The following ARB2A variants were observed in gnomAD, a reference collection of about 807,000 sequenced individuals.
ARB2A encodes ARB2 cotranscriptional regulator A.
chr5:93,891,160 T>G, the ARB2A span, among the ~76,000 whole-genome samples: 2 of 152,112 alleles, frequency 1.3e-5, no homozygotes, highest in Non-Finnish European at 2.9e-5. Flanking sequence ...CACATAGTCC[T>G]TTTTGCCCAC....
the ARB2A span, among the ~76,000 whole-genome samples, chr5:93,703,551 T>C: frequency 1.1e-4 from 16 of 152,324 alleles, no homozygotes; most frequent in African/African-American, 3.8e-4. Flanking sequence ...AAAAAGTGTT[T>C]AGATATTTAT....
At chr5:93,814,890 T>G in the ARB2A span, among the ~76,000 whole-genome samples, 1 of 152,118 alleles carries the variant, frequency 6.6e-6, no homozygotes, top group Non-Finnish European at 1.5e-5. Flanking sequence ...CAGGCTGGAG[T>G]GTGGTGGTGT....
chr5:93,704,144 A>G, the ARB2A span, among the ~76,000 whole-genome samples: 1 of 152,222 alleles, frequency 6.6e-6, no homozygotes, highest in Non-Finnish European at 1.5e-5. Context: ...TCAACAAAAT[A>G]TTAAAGATAA....
the ARB2A span, among the ~76,000 whole-genome samples, chr5:93,837,877 G>T: frequency 3.3e-5 from 5 of 152,056 alleles, no homozygotes; most frequent in African/African-American, 1.2e-4. Context: ...TTATAAATTT[G>T]TTTAAGTTCC....
At chr5:94,086,635 C>T in the ARB2A span, among the ~76,000 whole-genome samples, 1 of 152,212 alleles carries the variant, frequency 6.6e-6, no homozygotes, top group Admixed American at 6.5e-5. Flanking sequence ...TCACTGCAAC[C>T]TCTGCCTCCT....
At chr5:94,104,945 TA>T in the ARB2A span, among the ~76,000 whole-genome samples, 1 of 151,518 alleles carries the variant, frequency 6.6e-6, no homozygotes, top group Admixed American at 6.6e-5. Context: ...TGATAAAATT[TA>T]ACATGTGTTA....
At chr5:93,894,784 C>T in the ARB2A span, among the ~76,000 whole-genome samples, 3 of 152,086 alleles carry the variant, frequency 2.0e-5, 1 homozygote, top group Non-Finnish European at 4.4e-5. Flanking sequence ...AGCAAATGGC[C>T]GTAAATGCAC....
the ARB2A span, among the ~76,000 whole-genome samples, chr5:93,768,194 G>T: frequency 2.6e-5 from 4 of 151,462 alleles, no homozygotes; most frequent in Non-Finnish European, 5.9e-5. Context: ...TGGGGACTTG[G>T]GGGGGAAGAG....
the ARB2A span, among the ~76,000 whole-genome samples, chr5:93,843,068 A>T: frequency 6.6e-6 from 1 of 152,220 alleles, no homozygotes; most frequent in Admixed American, 6.5e-5. Context: ...AAATGAAATC[A>T]GGCTAAATAA....
At chr5:93,726,327 C>T in the ARB2A span, among the ~76,000 whole-genome samples, 59 of 152,032 alleles carry the variant, frequency 3.9e-4, no homozygotes, top group East Asian at 8.9e-3. Flanking sequence ...CATGCCCTAC[C>T]CCCAACCCCC....
the ARB2A span, among the ~76,000 whole-genome samples, chr5:94,018,985 C>A: frequency 6.6e-6 from 1 of 152,052 alleles, no homozygotes; most frequent in Non-Finnish European, 1.5e-5. Flanking sequence ...TGGAACAGAA[C>A]AGAGATCTCA....
the ARB2A span, among the ~76,000 whole-genome samples, chr5:93,689,675 C>T: frequency 6.6e-6 from 1 of 152,046 alleles, no homozygotes; most frequent in African/African-American, 2.4e-5. Context: ...AAAAGTTTCA[C>T]CCTAGAAAAC....
chr5:93,923,676 G>A, the ARB2A span, among the ~76,000 whole-genome samples: 1 of 152,264 alleles, frequency 6.6e-6, no homozygotes, highest in East Asian at 1.9e-4. Flanking sequence ...CAGGCGTGGT[G>A]TTGGATACAA....
chr5:93,722,413 A>G, the ARB2A span, among the ~76,000 whole-genome samples: 1 of 152,140 alleles, frequency 6.6e-6, no homozygotes, highest in Non-Finnish European at 1.5e-5. Flanking sequence ...AAAAAAATCT[A>G]TAACGTATAT....
chr5:94,013,272 G>A, the ARB2A span, among the ~76,000 whole-genome samples: 717 of 146,036 alleles, frequency 4.9e-3, 6 homozygotes, highest in African/African-American at 0.016. Context: ...TCTGCCTCCC[G>A]GGTTCAAGCA....
chr5:94,094,760 C>A, the ARB2A span, among the ~76,000 whole-genome samples: 1 of 152,134 alleles, frequency 6.6e-6, no homozygotes, highest in Non-Finnish European at 1.5e-5. Context: ...AGAAACTACC[C>A]CACTTCTCAC....
the ARB2A span, among the ~76,000 whole-genome samples, chr5:93,854,594 T>C: frequency 6.6e-6 from 1 of 152,164 alleles, no homozygotes; most frequent in African/African-American, 2.4e-5. Flanking sequence ...TGGGCATTTA[T>C]TGCTATAAAT....
chr5:93,990,937 G>A, the ARB2A span, among the ~76,000 whole-genome samples: 1 of 152,130 alleles, frequency 6.6e-6, no homozygotes. Context: ...ACATTGAGAA[G>A]AGTCAGAGTT....
the ARB2A span, among the ~76,000 whole-genome samples, chr5:93,750,051 C>T: frequency 6.6e-6 from 1 of 152,116 alleles, no homozygotes; most frequent in Non-Finnish European, 1.5e-5. Flanking sequence ...GAAGTCATGC[C>T]TAATACTCTT....
Sources: gnomAD v4.1 joint callset for allele counts (sites outside exome capture counted in the v4.1 genomes callset) on GRCh38, gnomAD v4.1.1 for gene constraint, MANE v1.5 for transcripts, NCBI Gene and HGNC (gene_info 2026-07-23, HGNC 2026-07-21) for gene names.